Variants in SWT1 observed in about 807,000 individuals in gnomAD.
SWT1 encodes the protein SWT1 RNA endoribonuclease homolog.
A neutral mutation model predicts 107.3 loss-of-function variants in SWT1; 33 were observed. That is an observed-to-expected ratio of 0.31 (90% confidence interval 0.23 to 0.41). The LOEUF (loss-of-function observed/expected upper bound fraction) is 0.41, where lower values mean the gene tolerates loss of function less well. SWT1 is among the 10% of genes least tolerant of loss of function. SWT1 has a pLI of 1.00. For synonymous variants in SWT1, 345 were observed against 348.3 expected (o/e 0.99, Z 0.11); for missense variants, 898 against 1,028.9 (o/e 0.87, Z 1.74).
chr1:185,271,512 A>AT, intron 17 of SWT1, 123 bp downstream of exon 17: 1 of 583,946 alleles, frequency 1.7e-6, no homozygotes. Context: ...GCTTTAAATT[A>AT]TTGAATGCCA....
At chr1:185,232,805 T>A (rs1457301673) in intron 16 of SWT1, among the ~76,000 whole-genome samples, 4 of 152,214 alleles carry the variant, frequency 2.6e-5, no homozygotes, top group Non-Finnish European at 5.9e-5. Context: ...TATTAATGGC[T>A]TTATAAACCT....
At chr1:185,168,273 A>G (rs1346643711) in intron 3 of SWT1, 67 bp from the exon 4 acceptor site, 5 of 967,956 alleles carry the variant, frequency 5.2e-6, no homozygotes, top group Non-Finnish European at 5.8e-6. Context: ...CCTATTCACT[A>G]TCATAAACTG....
intron 16 of SWT1, among the ~76,000 whole-genome samples, chr1:185,256,820 G>T (rs1320807657): frequency 6.6e-6 from 1 of 152,158 alleles, no homozygotes. Flanking sequence ...TCCATTGCTG[G>T]TGAGGAACTG....
rs934443796 is a variant in SWT1 at position 185,166,494 on chromosome 1, C to T, written c.85-78C>T. On this transcript the variant is annotated intron_variant, in intron 2 of 18. Coordinates refer to ENST00000367500, the MANE Select transcript of SWT1 (RefSeq NM_017673.7). The stretch of plus-strand genomic sequence containing the variant: ...TGAATGTAAATGTTGATTTGTAATA[C>T]TAGTGATGAAATAGTTCTGTTTATA... 26 of 846,812 alleles carry T rather than the reference C, an allele frequency of 3.1e-5. No homozygotes were observed. The African/African-American group carries it at 4.2e-4, about 14-fold the overall frequency. 52.5% of individuals were successfully genotyped at this position (846,812 alleles called of 1,614,324 possible).
intron 10 of SWT1, among the ~76,000 whole-genome samples, chr1:185,196,480 T>A (rs1657401383): frequency 6.6e-6 from 1 of 152,124 alleles, no homozygotes; most frequent in Admixed American, 6.6e-5. Flanking sequence ...CTCTTTCTTC[T>A]TTCCATATGA....
intron 16 of SWT1, among the ~76,000 whole-genome samples, chr1:185,262,952 GA>G (rs1663130976): frequency 6.6e-6 from 1 of 151,744 alleles, no homozygotes; most frequent in Non-Finnish European, 1.5e-5. Context: ...CATCCTGGGT[GA>G]TTTTTGTATT....
intron 14 of SWT1, among the ~76,000 whole-genome samples, chr1:185,216,829 G>T (rs1659253061): frequency 6.6e-6 from 1 of 152,070 alleles, no homozygotes; most frequent in South Asian, 2.1e-4. Context: ...GCACACACCT[G>T]TAGTCCCAGC....
At chr1:185,258,410 C>T (rs1157986430) in intron 16 of SWT1, among the ~76,000 whole-genome samples, 1 of 152,074 alleles carries the variant, frequency 6.6e-6, no homozygotes, top group Non-Finnish European at 1.5e-5. Context: ...ATTTATCATG[C>T]TTTATTAGTT....
chr1:185,225,294 T>A (rs1659964401), intron 15 of SWT1, among the ~76,000 whole-genome samples: 1 of 152,162 alleles, frequency 6.6e-6, no homozygotes, highest in African/African-American at 2.4e-5. Flanking sequence ...AACTTTTAAA[T>A]GTGTGGTTGG....
At position 185,274,755 on chromosome 1, in the gene SWT1, A is replaced by G. The variant is rs148724134; in HGVS notation, c.2509-1849A>G. Among the ~76,000 whole-genome samples the G allele has an allele frequency of 1.4e-3, 216 of 152,198 alleles. 1 individual carries two copies. Among genetic ancestry groups the G allele is most frequent in the Admixed American group, 2.7e-3 (41 of 15,286 alleles). ...TTGCTGACAGTGGCATGTTTTAGCT[A>G]TTTTTTTCCCCTGGAAATTAAAATT... On this transcript the variant is annotated intron_variant, in intron 17 of 18. Transcript: ENST00000367500.
At chr1:185,171,402 T>C (rs1295106028) in intron 4 of SWT1, 2 of 211,520 alleles carry the variant, frequency 9.5e-6, no homozygotes, top group East Asian at 3.0e-4. Context: ...TAACCCCTTT[T>C]GCTGTTAGCA....
intron 16 of SWT1, among the ~76,000 whole-genome samples, chr1:185,261,595 C>T (rs1663018783): frequency 6.6e-6 from 1 of 151,764 alleles, no homozygotes; most frequent in Non-Finnish European, 1.5e-5. Flanking sequence ...TCACAGCTGG[C>T]TGTACATTTT....
intron 16 of SWT1, among the ~76,000 whole-genome samples, chr1:185,269,019 A>AT (rs1341231381): frequency 6.6e-6 from 1 of 151,642 alleles, no homozygotes; most frequent in African/African-American, 2.4e-5. Context: ...CGCCCGGCTA[A>AT]TTTTTTGTAT....
Position 185,218,590 on chromosome 1 carries a change from C to T in SWT1, c.2122-3259C>T, listed in dbSNP as rs966409392. On this transcript the variant is annotated intron_variant, in intron 14 of 18. Coordinates refer to ENST00000367500, the MANE Select transcript of SWT1 (RefSeq NM_017673.7). ...CCTCCTAAAGTGCTAGGATTACACG[C>T]ATGAACCGTCATGCCCTGCCTTTTC... Among the ~76,000 whole-genome samples, 52 of 152,136 alleles carry T rather than the reference C, an allele frequency of 3.4e-4. 1 individual carries two copies. The highest frequency in any genetic ancestry group is 1.0e-3 in the South Asian group (5 of 4,822).
At chr1:185,284,585 T>C (rs904286045) in intron 18 of SWT1, among the ~76,000 whole-genome samples, 107 of 152,180 alleles carry the variant, frequency 7.0e-4, no homozygotes, top group African/African-American at 2.6e-3. Flanking sequence ...TACAAGCAAA[T>C]TTTTAAAGGG....
At chr1:185,270,943 TACTC>T (rs565470268) in intron 16 of SWT1, among the ~76,000 whole-genome samples, 158 of 152,324 alleles carry the variant, frequency 1.0e-3, no homozygotes, top group African/African-American at 3.6e-3. Context: ...CTGTGGGAAA[TACTC>T]AAGCTTTGTC....
rs139312438 is a variant in SWT1, at chr1:185,190,620, T to C, written c.1501T>C (p.Cys501Arg). Residue 501 changes from cysteine to arginine, a missense_variant, in exon 10 of 19, where the codon TGT becomes CGT. By Grantham distance (180) the Cys-to-Arg change is radical (BLOSUM62 -3). Coordinates refer to ENST00000367500, the MANE Select transcript of SWT1 (RefSeq NM_017673.7). ...TCTCCAGCACCAGGAATTATTCCCT[T>C]GTTCTTTTGTTATTCTGTGCACGTG... ...CCLQHQELFP[C>R]SFVILCTDDR... The C allele has an allele frequency of 3.1e-6, 5 of 1,606,656 alleles. No individual in the cohort carries two copies. The African/African-American group carries it at 4.0e-5, about 13-fold the overall frequency.
chr1:185,207,783 C>T (rs1458985857), intron 13 of SWT1, among the ~76,000 whole-genome samples: 2 of 152,030 alleles, frequency 1.3e-5, no homozygotes, highest in Non-Finnish European at 2.9e-5. Flanking sequence ...TGCCTGTAGA[C>T]CCAGCTACTT....
chr1:185,174,845 G>A lies in SWT1; in HGVS notation c.698G>A (p.Ser233Asn). ...EPLGSRRQKISFKIPIKSRDT... is the reference protein window; with the variant it reads ...EPLGSRRQKINFKIPIKSRDT... The stretch of plus-strand genomic sequence containing the variant: ...TTGGGATCTAGAAGACAGAAGATCA[G>A]TTTCAAAATCCCTATAAAATCCCGT... The change falls in exon 5 of 19, where the codon AGT becomes AAT. Residue 233 changes from serine (S) to asparagine (N), a missense_variant. Physicochemically the swap from Ser to Asn is conservative, Grantham distance 46. Transcript: ENST00000367500. The A allele has an allele frequency of 6.2e-7, 1 of 1,614,064 alleles. No homozygotes were observed. Among genetic ancestry groups the A allele is most frequent in the African/African-American group, 1.3e-5 (1 of 75,042 alleles).
Sources: allele counts gnomAD v4.1 joint callset (sites outside exome capture counted in the v4.1 genomes callset), GRCh38; gene constraint gnomAD v4.1.1; transcripts MANE v1.5; gene names NCBI Gene and HGNC (gene_info 2026-07-23, HGNC 2026-07-21).